Variants in WWOX observed in about 807,000 individuals in gnomAD.
WWOX encodes the protein WW domain containing oxidoreductase, also known as WW domain-containing oxidoreductase.
A neutral mutation model predicts 46.2 loss-of-function variants in WWOX; 69 were observed. That is an observed-to-expected ratio of 1.49 (90% CI 1.23 to 1.82). WWOX has a LOEUF of 1.82. Among genes scored for constraint, WWOX ranks in the 40% most tolerant of loss-of-function variants. WWOX has a pLI of 0.00. For synonymous variants in WWOX, 359 were observed against 202.6 expected (o/e 1.77, Z -6.56); for missense variants, 919 against 542.6 (o/e 1.69, Z -6.89).
At position 78,255,906 on chromosome 16, in the gene WWOX, C is replaced by G. The variant is rs1054411723; in HGVS notation, c.516+91617C>G. Among the ~76,000 whole-genome samples the G allele has an allele frequency of 1.1e-4, 16 of 152,176 alleles. No homozygotes were observed. The East Asian group carries it at 2.7e-3, about 26-fold the overall frequency. On this transcript the variant is annotated intron_variant, in intron 5 of 8. Coordinates refer to ENST00000566780, the MANE Select transcript of WWOX (RefSeq NM_016373.4). ...CGCCTGTAATCTCATAATCTCAGCACTTTGAGAGGCTGAGGTAGGTGGATC... is the reference window on the plus strand; with the variant it reads ...CGCCTGTAATCTCATAATCTCAGCAGTTTGAGAGGCTGAGGTAGGTGGATC...
intron 8 of WWOX, among the ~76,000 whole-genome samples, chr16:78,744,828 A>G (rs1038632691): frequency 3.3e-5 from 5 of 152,210 alleles, no homozygotes; most frequent in African/African-American, 1.2e-4. Context: ...GTTGGCCTGA[A>G]GACCCACATG....
intron 8 of WWOX, among the ~76,000 whole-genome samples, chr16:78,677,827 A>G (rs911651426): frequency 1.9e-4 from 29 of 152,166 alleles, no homozygotes; most frequent in African/African-American, 7.0e-4. Context: ...TATTTCCTTT[A>G]TGGTGTCCTT....
chr16:78,928,644 G>T (rs1483422894), intron 8 of WWOX, among the ~76,000 whole-genome samples: 1 of 150,390 alleles, frequency 6.6e-6, no homozygotes, highest in Admixed American at 6.7e-5. Context: ...TTCTGAGAAG[G>T]GGTTTCTTTG....
chr16:78,783,871 G>T (rs1439428364), intron 8 of WWOX, among the ~76,000 whole-genome samples: 2 of 100,084 alleles, frequency 2.0e-5, no homozygotes, highest in Admixed American at 2.1e-4. Flanking sequence ...TGATGATGGT[G>T]ATGACGATGA....
At chr16:78,635,368 G>C (rs530068984) in intron 8 of WWOX, among the ~76,000 whole-genome samples, 2 of 152,290 alleles carry the variant, frequency 1.3e-5, no homozygotes, top group South Asian at 4.1e-4. Context: ...CTTAGATCCT[G>C]ATTAGGGGAC....
At chr16:78,661,863 C>CA (rs1283497296) in intron 8 of WWOX, among the ~76,000 whole-genome samples, 4 of 152,172 alleles carry the variant, frequency 2.6e-5, no homozygotes, top group African/African-American at 9.7e-5. Flanking sequence ...CAGCCTGAGG[C>CA]AAAACCTCAT....
chr16:78,676,885 T>A (rs2047612166), intron 8 of WWOX, among the ~76,000 whole-genome samples: 1 of 152,224 alleles, frequency 6.6e-6, no homozygotes, highest in African/African-American at 2.4e-5. Context: ...AGTATTACTT[T>A]AATACATTAT....
At chr16:79,141,301 CAT>C (rs2050084755) in intron 8 of WWOX, among the ~76,000 whole-genome samples, 1 of 152,198 alleles carries the variant, frequency 6.6e-6, no homozygotes, top group Non-Finnish European at 1.5e-5. Context: ...GTTCATCTTG[CAT>C]ATGTTGATTG....
intron 5 of WWOX, among the ~76,000 whole-genome samples, chr16:78,250,621 G>C (rs988069993): frequency 6.6e-6 from 1 of 152,146 alleles, no homozygotes; most frequent in Non-Finnish European, 1.5e-5. Flanking sequence ...AAGACACTCA[G>C]AGCCAACAGA....
chr16:78,736,042 A>T (rs892464878), intron 8 of WWOX, among the ~76,000 whole-genome samples: 1 of 152,222 alleles, frequency 6.6e-6, no homozygotes, highest in Non-Finnish European at 1.5e-5. Context: ...GGTGCAGACT[A>T]GAGATGAAGA....
intron 8 of WWOX, among the ~76,000 whole-genome samples, chr16:78,732,568 T>G (rs1429129940): frequency 1.3e-5 from 2 of 152,146 alleles, no homozygotes; most frequent in Non-Finnish European, 2.9e-5. Flanking sequence ...CTTCAAAGTC[T>G]TTGGGTAATT....
chr16:78,146,447 G>T (rs183551274), intron 4 of WWOX, among the ~76,000 whole-genome samples: 2 of 152,114 alleles, frequency 1.3e-5, no homozygotes, highest in Admixed American at 6.5e-5. Context: ...TATAGCTGTC[G>T]AGTCTCCAGA....
intron 8 of WWOX, among the ~76,000 whole-genome samples, chr16:78,880,930 C>G (rs973096756): frequency 6.6e-6 from 1 of 151,468 alleles, no homozygotes; most frequent in African/African-American, 2.4e-5. Flanking sequence ...GTTTTCCAAG[C>G]ACTTTTTTTT....
chr16:78,317,406 A>G (rs898718774), intron 5 of WWOX, among the ~76,000 whole-genome samples: 3 of 152,168 alleles, frequency 2.0e-5, no homozygotes, highest in Non-Finnish European at 2.9e-5. Context: ...TCTAGCAGAT[A>G]GATGCTGTCA....
At chr16:79,043,394 A>T (rs1179962374) in intron 8 of WWOX, among the ~76,000 whole-genome samples, 1 of 152,134 alleles carries the variant, frequency 6.6e-6, no homozygotes, top group Non-Finnish European at 1.5e-5. Context: ...GTGGATTCTG[A>T]GGATAAAATT....
chr16:78,964,322 A>G (rs981462398), intron 8 of WWOX, among the ~76,000 whole-genome samples: 2 of 152,308 alleles, frequency 1.3e-5, no homozygotes, highest in South Asian at 4.1e-4. Flanking sequence ...ATGGACAATA[A>G]TGTCCAGGCT....
intron 5 of WWOX, among the ~76,000 whole-genome samples, chr16:78,333,043 C>CTTTTTTTTTTTTTTT (rs11289222): frequency 0.018 from 1,042 of 57,098 alleles, 265 homozygotes; most frequent in Non-Finnish European, 0.031. Flanking sequence ...GAGCATTATA[C>CTTTTTTTTTTTTTTT]TTTTTTTTTT....
At chr16:78,773,157 T>C (rs2050105633) in intron 8 of WWOX, among the ~76,000 whole-genome samples, 1 of 152,204 alleles carries the variant, frequency 6.6e-6, no homozygotes, top group South Asian at 2.1e-4. Context: ...GACGATTTTG[T>C]CGGTATCCTA....
chr16:78,500,462 T>G (rs1354872268), intron 8 of WWOX, among the ~76,000 whole-genome samples: 1 of 152,110 alleles, frequency 6.6e-6, no homozygotes, highest in Non-Finnish European at 1.5e-5. Context: ...TTGTTTGTTT[T>G]TTTTTAGATC....
Sources: allele counts gnomAD v4.1 joint callset (sites outside exome capture counted in the v4.1 genomes callset), GRCh38; gene constraint gnomAD v4.1.1; transcripts MANE v1.5; gene names NCBI Gene and HGNC (gene_info 2026-07-23, HGNC 2026-07-21).